Variants in KCNB2 observed in about 807,000 individuals in gnomAD.
KCNB2 encodes delayed rectifier potassium channel protein.
A neutral mutation model predicts 61.5 loss-of-function variants in KCNB2; 15 were observed. That is an observed-to-expected ratio of 0.24 (90% CI 0.16 to 0.38). The LOEUF (loss-of-function observed/expected upper bound fraction) is 0.38. Ranked by LOEUF, KCNB2 falls within the 10% of genes least tolerant of loss-of-function variation. KCNB2 has a pLI of 1.00. For missense variants in KCNB2, 828 were observed against 1,125.2 expected, an observed-to-expected ratio of 0.74 and a Z score of 3.78; for synonymous variants, 457 against 446.0, an observed-to-expected ratio of 1.02 and a Z score of -0.31.
intron 2 of KCNB2, among the ~76,000 whole-genome samples, chr8:72,638,873 A>T (rs1170986918): frequency 1.3e-5 from 2 of 152,140 alleles, no homozygotes; most frequent in African/African-American, 4.8e-5. Context: ...CTCTAAATAA[A>T]CACCCTTCTC....
At chr8:72,541,754 T>G (rs1806190835) in intron 1 of KCNB2, among the ~76,000 whole-genome samples, 1 of 152,150 alleles carries the variant, frequency 6.6e-6, no homozygotes. Context: ...TAGAAACTAC[T>G]AGCTTTACAT....
chr8:72,914,293 G>T (rs1190948696), intron 2 of KCNB2, among the ~76,000 whole-genome samples: 1 of 152,164 alleles, frequency 6.6e-6, no homozygotes, highest in East Asian at 1.9e-4. Flanking sequence ...TATGAATTTA[G>T]TGGGGACACA....
chr8:72,870,477 T>G (rs1805599103), intron 2 of KCNB2, among the ~76,000 whole-genome samples: 2 of 152,238 alleles, frequency 1.3e-5, no homozygotes, highest in Non-Finnish European at 2.9e-5. Context: ...TAATTCTAAC[T>G]GAACTTGAGT....
chr8:72,937,755 G>C lies in KCNB2; in HGVS notation c.2400G>C (p.Glu800Asp), dbSNP rs748924259. The C allele has an allele frequency of 2.5e-5, 40 of 1,613,866 alleles. No homozygotes were observed. Among genetic ancestry groups the C allele is most frequent in the Non-Finnish European group, 3.1e-5 (36 of 1,180,006 alleles). ...AACTGTTCCCTTTCTCTTCAAGAGA[G>C]AGGAGGAGCTTCACTGAAATAGATA... ...KQKLFPFSSR[E>D]RRSFTEIDTG... is the part of the protein sequence containing the mutation. The change falls in exon 3 of 3, where the codon GAG becomes GAC. Residue 800 changes from glutamate (E) to aspartate (D), a missense_variant. By Grantham distance (45) the Glu-to-Asp change is conservative. Transcript: ENST00000523207.
At chr8:72,869,875 G>A (rs1325616640) in intron 2 of KCNB2, among the ~76,000 whole-genome samples, 1 of 152,122 alleles carries the variant, frequency 6.6e-6, no homozygotes, top group African/African-American at 2.4e-5. Flanking sequence ...AGGATTTCAA[G>A]GTGGTATCTG....
At chr8:72,886,084 G>T (rs1375846478) in intron 2 of KCNB2, among the ~76,000 whole-genome samples, 1 of 152,044 alleles carries the variant, frequency 6.6e-6, no homozygotes, top group African/African-American at 2.4e-5. Context: ...AATTTTAATT[G>T]TTCAACTTTA....
chr8:72,936,819 G>C lies in KCNB2; in HGVS notation c.1464G>C (p.Ser488=). 1 of 1,614,080 alleles carries C rather than the reference G, an allele frequency of 6.2e-7. No individual in the cohort carries two copies. The highest frequency in any genetic ancestry group is 8.5e-7 in the Non-Finnish European group (1 of 1,180,004). Residue 488 remains serine, a synonymous_variant, in exon 3 of 3, where the codon TCG becomes TCC. Transcript: ENST00000523207. The surrounding 1 kb of genome is among the most constrained non-coding windows in gnomAD (Gnocchi z 5.6). ...TKDSADDNHL[S]PSRWKWARKA... Reference sequence around the variant, plus strand: ...ACTCCGCCGACGATAATCACCTGTCGCCAAGCCGGTGGAAGTGGGCCAGGA... The same window carrying C: ...ACTCCGCCGACGATAATCACCTGTCCCCAAGCCGGTGGAAGTGGGCCAGGA...
intron 2 of KCNB2, among the ~76,000 whole-genome samples, chr8:72,913,910 A>G (rs2129007662): frequency 6.6e-6 from 1 of 152,316 alleles, no homozygotes; most frequent in South Asian, 2.1e-4. Flanking sequence ...TGAATATTGT[A>G]CTTTCCTAAG....
At chr8:72,778,733 CA>C (rs753797385) in intron 2 of KCNB2, among the ~76,000 whole-genome samples, 356 of 14,062 alleles carry the variant, frequency 0.025, no homozygotes, top group East Asian at 0.14. Flanking sequence ...ACAGAGCGAG[CA>C]AAAAAAAAAA....
intron 2 of KCNB2, among the ~76,000 whole-genome samples, chr8:72,626,623 T>A (rs781261912): frequency 6.6e-6 from 1 of 152,222 alleles, no homozygotes; most frequent in African/African-American, 2.4e-5. Flanking sequence ...TTAAAAGGAT[T>A]ATTGTCCCCA....
At chr8:72,809,622 C>G (rs1809274835) in intron 2 of KCNB2, among the ~76,000 whole-genome samples, 1 of 152,082 alleles carries the variant, frequency 6.6e-6, no homozygotes, top group African/African-American at 2.4e-5. Context: ...AATATTCCCC[C>G]CAAATATGAC....
chr8:72,866,075 C>T (rs1426002018), intron 2 of KCNB2, among the ~76,000 whole-genome samples: 1 of 152,130 alleles, frequency 6.6e-6, no homozygotes, highest in East Asian at 1.9e-4. Flanking sequence ...CATTGTCATT[C>T]AGATGTTGGA....
intron 2 of KCNB2, among the ~76,000 whole-genome samples, chr8:72,725,603 A>ATATATATATATATATG (rs1807635852): frequency 2.7e-5 from 3 of 110,972 alleles, no homozygotes; most frequent in African/African-American, 1.4e-4. Context: ...ATATATATAT[A>ATATATATATATATATG]TATATATATA....
chr8:72,585,540 T>C (rs1806989454), intron 2 of KCNB2, among the ~76,000 whole-genome samples: 1 of 152,242 alleles, frequency 6.6e-6, no homozygotes, highest in Non-Finnish European at 1.5e-5. Context: ...GTTTTCTTTA[T>C]TTCTTTTTCT....
At chr8:72,751,820 A>G (rs1808194754) in intron 2 of KCNB2, 1 of 152,238 alleles carries the variant, frequency 6.6e-6, no homozygotes, top group Admixed American at 6.5e-5. Context: ...ATGAACACAT[A>G]TACACATATG....
intron 2 of KCNB2, among the ~76,000 whole-genome samples, chr8:72,599,788 A>G (rs890282558): frequency 1.3e-5 from 2 of 152,224 alleles, no homozygotes; most frequent in Non-Finnish European, 2.9e-5. Flanking sequence ...TGGGCAAAGG[A>G]TATGAACAGA....
chr8:72,926,751 G>A (rs10096802), intron 2 of KCNB2, among the ~76,000 whole-genome samples: 64,904 of 151,828 alleles, frequency 0.43, 15,364 homozygotes, highest in East Asian at 0.89. Flanking sequence ...TAGCAAGCAG[G>A]GTCGAGATTC....
Position 72,937,926 on chromosome 8 carries a change from G to T in KCNB2, c.2571G>T (p.Gln857His). The T allele has an allele frequency of 1.2e-6, 2 of 1,614,112 alleles. No individual in the cohort carries two copies. The highest frequency in any genetic ancestry group is 1.7e-6 in the Non-Finnish European group (2 of 1,180,020). The change falls in exon 3 of 3, where the codon CAG becomes CAT. Residue 857 changes from glutamine (Q) to histidine (H), a missense_variant. Gln to His is a conservative substitution (Grantham distance 24). Coordinates refer to ENST00000523207, the MANE Select transcript of KCNB2 (RefSeq NM_004770.3). ...EEGSVGSSSPQDTGHNCRQDI... is the reference protein window; with the variant it reads ...EEGSVGSSSPHDTGHNCRQDI... ...GCAGTGTGGGCTCTTCCTCCCCGCA[G>T]GACACAGGTCACAACTGTAGGCAAG...
intron 2 of KCNB2, among the ~76,000 whole-genome samples, chr8:72,690,955 G>A (rs963130062): frequency 6.6e-6 from 1 of 152,136 alleles, no homozygotes; most frequent in African/African-American, 2.4e-5. Context: ...CTGAGGGTAT[G>A]CAGATGCCTG....
Sources: gnomAD v4.1 joint callset for allele counts (sites outside exome capture counted in the v4.1 genomes callset) on GRCh38, gnomAD v4.1.1 for gene constraint, Gnocchi (gnomAD v3.1) non-coding constraint, MANE v1.5 for transcripts, NCBI Gene and HGNC (gene_info 2026-07-23, HGNC 2026-07-21) for gene names.